The following FBXO25 variants were observed in gnomAD, a reference collection of about 807,000 sequenced individuals.
The protein encoded by FBXO25 is F-box only protein 25.
A neutral mutation model predicts 51.9 loss-of-function variants in FBXO25; 45 were observed. The ratio of observed to expected loss-of-function variants is 0.87; its 90% CI spans 0.68 to 1.11. The LOEUF is 1.11. Among genes scored for constraint, FBXO25 ranks in the 50% most tolerant of loss-of-function variants. The probability of loss-of-function intolerance (pLI) is 0.00; values close to 1 mark genes in which losing one functional copy is unlikely to be tolerated. For missense variants in FBXO25, 507 were observed against 428.5 expected, an observed-to-expected ratio of 1.18 and a Z score of -1.62; for synonymous variants, 199 against 151.0, an observed-to-expected ratio of 1.32 and a Z score of -2.33.
chr8:444,077 C>T (rs990232125), intron 5 of FBXO25, among the ~76,000 whole-genome samples: 22 of 152,158 alleles, frequency 1.4e-4, no homozygotes, highest in African/African-American at 5.1e-4. Context: ...GTAAGACCTA[C>T]CTCACAGGGG....
chr8:430,700 G>GT (rs1306935230), intron 2 of FBXO25, among the ~76,000 whole-genome samples: 1 of 152,042 alleles, frequency 6.6e-6, no homozygotes, highest in Non-Finnish European at 1.5e-5. Flanking sequence ...ATTTACAGGT[G>GT]TTTTTTTAAA....
intron 5 of FBXO25, among the ~76,000 whole-genome samples, chr8:438,765 C>T (rs1798246369): frequency 6.6e-6 from 1 of 152,206 alleles, no homozygotes; most frequent in African/African-American, 2.4e-5. Context: ...ACACTCCCAC[C>T]ATGAAATCTT....
Position 472,098 on chromosome 8 carries a change from T to G in FBXO25, c.*3294T>G, listed in dbSNP as rs534400207. ...CCGTTTCGCTGGCTAGAATCTCTAG[T>G]ACAATGTTGAATAGCAGTGCGAGAG... On this transcript the variant is annotated 3_prime_UTR_variant, in exon 10 of 10. Coordinates refer to ENST00000350302, the MANE Select transcript of FBXO25 (RefSeq NM_183420.2). The G allele has an allele frequency of 6.6e-6, 1 of 152,200 alleles. No homozygotes were observed. Among genetic ancestry groups the G allele is most frequent in the Non-Finnish European group, 1.5e-5 (1 of 68,050 alleles). 9.4% of individuals were successfully genotyped at this position (152,200 alleles called of 1,614,324 possible).
rs1445104100 is a variant in FBXO25, at chr8:473,871, G to A, written c.*5067G>A. 6.6e-6 allele frequency: 1 copy of A among 152,152 alleles called. No individual in the cohort carries two copies. Among genetic ancestry groups the A allele is most frequent in the Non-Finnish European group, 1.5e-5 (1 of 68,028 alleles). The allele number at this position is 152,152 out of a possible 1,614,324, so 9.4% of individuals were successfully genotyped here. On this transcript the variant is annotated 3_prime_UTR_variant, in exon 10 of 10. Coordinates refer to ENST00000350302, the MANE Select transcript of FBXO25 (RefSeq NM_183420.2). ...ATTTGAGAAACTTGCACAGATGAAG[G>A]CAAGTTGGTTTTTATTATCTAACCT...
chr8:425,400 C>G (rs1391035182), intron 2 of FBXO25, among the ~76,000 whole-genome samples: 1 of 149,516 alleles, frequency 6.7e-6, no homozygotes, highest in African/African-American at 2.5e-5. Flanking sequence ...TTGTAACTTT[C>G]TTATTTTTTT....
rs546407471 is a variant in FBXO25 at position 443,351 on chromosome 8, ATATT to A, written c.382-6635_382-6632del. Among the ~76,000 whole-genome samples the A allele has an allele frequency of 3.7e-4, 56 of 150,892 alleles. 1 individual carries two copies. In the East Asian group the frequency reaches 0.01, roughly 28 times the overall value. ...TCTTCATTTTTCTTTAATTCTCACCATATTTATCCTACCAACAAGATAATTTGTA... is the reference window on the plus strand; with the variant it reads ...TCTTCATTTTTCTTTAATTCTCACCATATCCTACCAACAAGATAATTTGTA... On this transcript the variant is annotated intron_variant, in intron 5 of 9. Transcript: ENST00000350302.
intron 5 of FBXO25, among the ~76,000 whole-genome samples, chr8:443,174 A>AGGTG (rs1184655351): frequency 1.3e-5 from 2 of 151,260 alleles, no homozygotes; most frequent in Non-Finnish European, 2.9e-5. Flanking sequence ...GACGGTGGAT[A>AGGTG]GGTGGTGTCA....
intron 5 of FBXO25, among the ~76,000 whole-genome samples, chr8:447,323 C>T (rs1254251744): frequency 1.3e-5 from 2 of 152,024 alleles, no homozygotes; most frequent in Non-Finnish European, 2.9e-5. Context: ...TTCCCCCAAC[C>T]CTGAGGGCAT....
rs769728873 is a variant in FBXO25, at chr8:469,562, T to G, written c.*758T>G. ...TAATAGACAAAGTAATAAATCATGT[T>G]TATCTATTGATTTAAACTTCATCAG... On this transcript the variant is annotated 3_prime_UTR_variant, in exon 10 of 10. Transcript: ENST00000350302. The G allele has an allele frequency of 1.3e-5, 2 of 152,242 alleles. No individual in the cohort carries two copies. Among genetic ancestry groups the G allele is most frequent in the African/African-American group, 2.4e-5 (1 of 41,458 alleles). The allele number at this position is 152,242 out of a possible 1,614,324, so 9.4% of individuals were successfully genotyped here. A position where few individuals can be genotyped will look rare whatever the true frequency, so the allele number is the denominator to read the frequency against.
chr8:439,733 GAGAT>G (rs1798312600), intron 5 of FBXO25, among the ~76,000 whole-genome samples: 1 of 152,154 alleles, frequency 6.6e-6, no homozygotes, highest in Non-Finnish European at 1.5e-5. Flanking sequence ...CTCATGTCTG[GAGAT>G]GGACTCCTGC....
chr8:435,522 C>G (rs1450369567), intron 4 of FBXO25, 93 bp from the exon 5 acceptor site: 29 of 1,307,518 alleles, frequency 2.2e-5, no homozygotes, highest in Non-Finnish European at 2.4e-5. Flanking sequence ...TTGTCCTTTG[C>G]CAAAAATTTT....
chr8:458,414 C>A lies in FBXO25; in HGVS notation c.706C>A (p.Leu236Met). Reference protein sequence around the residue: ...LTLSDLPLHMLNNILYRFSDG... With the variant: ...LTLSDLPLHMMNNILYRFSDG... Reference sequence around the variant, plus strand: ...CCTCAGTGACCTTCCTCTGCACATGCTGAACAACATCCTATACCGGTTCTC... The same window carrying A: ...CCTCAGTGACCTTCCTCTGCACATGATGAACAACATCCTATACCGGTTCTC... Residue 236 changes from leucine to methionine, a missense_variant, in exon 8 of 10, where the codon CTG (leucine) becomes ATG (methionine). Coordinates refer to ENST00000350302, the MANE Select transcript of FBXO25 (RefSeq NM_183420.2). The A allele has an allele frequency of 1.2e-6, 2 of 1,614,170 alleles. No individual in the cohort carries two copies. The highest frequency in any genetic ancestry group is 1.7e-6 in the Non-Finnish European group (2 of 1,180,004).
intron 2 of FBXO25, among the ~76,000 whole-genome samples, chr8:421,560 T>A (rs1297900835): frequency 1.3e-5 from 2 of 152,232 alleles, no homozygotes; most frequent in Non-Finnish European, 2.9e-5. Flanking sequence ...ATCCTGTGGT[T>A]CTGGATCAGG....
chr8:414,610 C>G (rs901313342), intron 2 of FBXO25, among the ~76,000 whole-genome samples: 1 of 150,926 alleles, frequency 6.6e-6, no homozygotes, highest in Non-Finnish European at 1.5e-5. Flanking sequence ...GTTTTTTTTT[C>G]CGCTGCACAC....
chr8:407,476 G>A, intron 1 of FBXO25: 1 of 974,420 alleles, frequency 1.0e-6, no homozygotes, highest in Non-Finnish European at 1.2e-6. Flanking sequence ...GGGCGAGTCG[G>A]GTGGGCACGG....
intron 2 of FBXO25, among the ~76,000 whole-genome samples, chr8:428,336 G>A (rs1168153305): frequency 2.0e-5 from 3 of 152,064 alleles, no homozygotes; most frequent in Non-Finnish European, 1.5e-5. Flanking sequence ...CATGTTTTAA[G>A]TTTATGGAAA....
At chr8:449,853 T>G in intron 5 of FBXO25, 137 bp from the exon 6 acceptor site, 5 of 646,030 alleles carry the variant, frequency 7.7e-6, no homozygotes, top group Non-Finnish European at 5.3e-6. Context: ...TTTCCTATAC[T>G]TGGACTCGGA....
Position 430,126 on chromosome 8 carries a change from C to T in FBXO25, c.135-1215C>T, listed in dbSNP as rs538445673. Among the ~76,000 whole-genome samples, 7 of 152,260 alleles carry T rather than the reference C, an allele frequency of 4.6e-5. No homozygotes were observed. In the South Asian group the frequency reaches 1.0e-3, roughly 23 times the overall value. The stretch of plus-strand genomic sequence containing the variant: ...CTTCCATATTCTGTCTTTATTTCTG[C>T]GACAGTATTTCTGGAGAACATTGTA... On this transcript the variant is annotated intron_variant, in intron 2 of 9. Transcript: ENST00000350302.
In FBXO25 at chr8:468,577, A is replaced by G. The variant is rs185103470; in HGVS notation, c.988-138A>G. The G allele has an allele frequency of 2.5e-3, 1,548 of 626,704 alleles. 5 individuals carry two copies. Among genetic ancestry groups the G allele is most frequent in the Middle Eastern group, 3.8e-3 (10 of 2,602 alleles). 38.8% of individuals were successfully genotyped at this position (626,704 alleles called of 1,614,324 possible). A position where few individuals can be genotyped will look rare whatever the true frequency, so the allele number is the denominator to read the frequency against. Reference sequence around the variant, plus strand: ...GGCTGCCCTTGTGTTGGTCATTCTCATCCAAGTTATCTCCCATGTACCTCT... The same window carrying G: ...GGCTGCCCTTGTGTTGGTCATTCTCGTCCAAGTTATCTCCCATGTACCTCT... On this transcript the variant is annotated intron_variant, in intron 9 of 9. Transcript: ENST00000350302.
Sources: allele counts gnomAD v4.1 joint callset (sites outside exome capture counted in the v4.1 genomes callset), GRCh38; gene constraint gnomAD v4.1.1; transcripts MANE v1.5; gene names NCBI Gene and HGNC (gene_info 2026-07-23, HGNC 2026-07-21).